The following AGBL1 variants were observed in gnomAD, a reference collection of about 807,000 sequenced individuals.
AGBL1 encodes the protein AGBL carboxypeptidase 1.
Under a neutral mutation model 118.9 loss-of-function variants are expected in AGBL1, and 130 were observed. That is an observed-to-expected ratio of 1.09 (90% CI 0.95 to 1.26). The LOEUF is 1.26. Ranked by LOEUF, AGBL1 falls within the 50% of genes most tolerant of loss-of-function variation. The pLI, the probability that AGBL1 is intolerant of heterozygous loss-of-function variation, is 0.00. For missense variants in AGBL1, 1,584 were observed against 1,298.1 expected (o/e 1.22, Z -3.38); for synonymous variants, 555 against 478.9 (o/e 1.16, Z -2.08).
intron 21 of AGBL1, among the ~76,000 whole-genome samples, chr15:86,561,765 A>C (rs566204509): frequency 5.9e-5 from 9 of 152,346 alleles, no homozygotes; most frequent in African/African-American, 1.9e-4. Context: ...TTTTCATGAC[A>C]TTGATTCTTC....
rs74573732 is a variant in AGBL1 at position 86,260,200 on chromosome 15, C to T, written c.969+2169C>T. 7.8e-3 allele frequency among the ~76,000 whole-genome samples: 1,192 copies of T among 152,316 alleles called. 17 individuals are homozygous for T. Among genetic ancestry groups the T allele is most frequent in the African/African-American group, 0.027 (1,129 of 41,556 alleles). On this transcript the variant is annotated intron_variant, in intron 9 of 22. Transcript: ENST00000614907. ...ACTGGATTTTCCCTGGGGAAACCAG[C>T]AGCATTTGCTGCCAGAGGCGTGAAC...
intron 24 of AGBL1, among the ~76,000 whole-genome samples, chr15:86,997,550 C>G (rs538193422): frequency 3.9e-4 from 59 of 152,174 alleles, no homozygotes; most frequent in African/African-American, 1.2e-3. Context: ...CTAGGATAGC[C>G]TTTGAAAACA....
chr15:86,597,722 C>A (rs28562477), intron 21 of AGBL1, among the ~76,000 whole-genome samples: 3,752 of 152,148 alleles, frequency 0.025, 132 homozygotes, highest in African/African-American at 0.079. Flanking sequence ...GCTACTATCA[C>A]TTGTGTTTGG....
intron 19 of AGBL1, among the ~76,000 whole-genome samples, chr15:86,543,322 A>G (rs2083530829): frequency 6.6e-6 from 1 of 152,254 alleles, no homozygotes; most frequent in African/African-American, 2.4e-5. Context: ...ATTTTATAAT[A>G]CGATTGTGAT....
intron 23 of AGBL1, among the ~76,000 whole-genome samples, chr15:86,962,137 AG>A (rs2080998896): frequency 6.6e-6 from 1 of 152,130 alleles, no homozygotes; most frequent in African/African-American, 2.4e-5. Context: ...CCAACCAATA[AG>A]TTTAGCAGTG....
At chr15:86,101,285 A>G (rs1296084031) in intron 1 of AGBL1, among the ~76,000 whole-genome samples, 1 of 152,088 alleles carries the variant, frequency 6.6e-6, no homozygotes, top group East Asian at 1.9e-4. Flanking sequence ...CATTTGGTCT[A>G]TCCTGGAGAA....
intron 17 of AGBL1, among the ~76,000 whole-genome samples, chr15:86,338,975 TC>T (rs1460007320): frequency 6.6e-6 from 1 of 152,192 alleles, no homozygotes. Context: ...TTCCTATTTT[TC>T]TGAGAATTTT....
intron 22 of AGBL1, among the ~76,000 whole-genome samples, chr15:86,745,477 A>G (rs2077742533): frequency 6.6e-6 from 1 of 152,066 alleles, no homozygotes; most frequent in South Asian, 2.1e-4. Context: ...AAGGAGGTGC[A>G]GAGAACTGGG....
chr15:86,532,725 A>G (rs2083368197), intron 19 of AGBL1, among the ~76,000 whole-genome samples: 1 of 151,578 alleles, frequency 6.6e-6, no homozygotes, highest in Non-Finnish European at 1.5e-5. Flanking sequence ...ACAAGTCTAC[A>G]GTAACCAAAA....
chr15:87,020,708 G>T (rs749686373), intron 24 of AGBL1, among the ~76,000 whole-genome samples: 2 of 151,886 alleles, frequency 1.3e-5, no homozygotes, highest in Non-Finnish European at 2.9e-5. Context: ...CTAAAAACAG[G>T]CAAGCAGAGA....
chr15:86,475,331 G>C (rs1046934430), intron 18 of AGBL1, among the ~76,000 whole-genome samples: 1 of 152,136 alleles, frequency 6.6e-6, no homozygotes, highest in East Asian at 1.9e-4. Context: ...CTTGAAAAAA[G>C]ATTAGAAGAA....
intron 22 of AGBL1, among the ~76,000 whole-genome samples, chr15:86,856,437 C>G (rs909771535): frequency 1.3e-5 from 2 of 152,182 alleles, no homozygotes; most frequent in African/African-American, 2.4e-5. Flanking sequence ...AGGTCTAGAT[C>G]TAAGACTAAG....
intron 18 of AGBL1, among the ~76,000 whole-genome samples, chr15:86,436,853 A>C (rs2082006395): frequency 6.6e-6 from 1 of 152,228 alleles, no homozygotes; most frequent in Admixed American, 6.5e-5. Context: ...GGTTCTGGAA[A>C]ATAACTACAG....
At chr15:86,583,372 G>A (rs1483017992) in intron 21 of AGBL1, among the ~76,000 whole-genome samples, 2 of 151,702 alleles carry the variant, frequency 1.3e-5, no homozygotes, top group East Asian at 3.9e-4. Context: ...GTCTATTATT[G>A]CCATATTTTT....
chr15:86,122,504 A>T (rs532594208), intron 1 of AGBL1, among the ~76,000 whole-genome samples: 1 of 152,194 alleles, frequency 6.6e-6, no homozygotes, highest in South Asian at 2.1e-4. Context: ...TGCATCACTT[A>T]AGTGATAAAC....
chr15:86,270,993 A>G (rs1003971330), intron 14 of AGBL1, among the ~76,000 whole-genome samples: 1 of 150,808 alleles, frequency 6.6e-6, no homozygotes, highest in Non-Finnish European at 1.5e-5. Context: ...TGCATCCTCA[A>G]AGCTAGTAGT....
chr15:86,612,244 G>A (rs987799155), intron 21 of AGBL1, among the ~76,000 whole-genome samples: 2 of 152,098 alleles, frequency 1.3e-5, no homozygotes, highest in East Asian at 3.9e-4. Context: ...GCAAATAGAA[G>A]CCCCTGAAGG....
At chr15:86,622,306 G>A (rs1202579809) in intron 21 of AGBL1, among the ~76,000 whole-genome samples, 2 of 150,624 alleles carry the variant, frequency 1.3e-5, no homozygotes, top group Admixed American at 6.6e-5. Flanking sequence ...CTCCAACCTG[G>A]GTGACAAGAC....
chr15:86,573,919 A>G (rs1259098827), intron 21 of AGBL1, among the ~76,000 whole-genome samples: 2 of 152,244 alleles, frequency 1.3e-5, no homozygotes, highest in South Asian at 2.1e-4. Context: ...CCTGAAAACA[A>G]CAAAAATCAC....
Sources: allele counts gnomAD v4.1 joint callset (sites outside exome capture counted in the v4.1 genomes callset), GRCh38; gene constraint gnomAD v4.1.1; transcripts MANE v1.5; gene names NCBI Gene and HGNC (gene_info 2026-07-23, HGNC 2026-07-21).